FAM153A: variants seen among roughly 807,000 people sequenced by gnomAD.
FAM153A encodes family with sequence similarity 153 member A, also known as protein FAM153A.
A neutral mutation model predicts 48.1 loss-of-function variants in FAM153A; 12 were observed. That is an observed-to-expected ratio of 0.25 (90% CI 0.16 to 0.40). FAM153A has a LOEUF of 0.40. Ranked by LOEUF, FAM153A falls within the 10% of genes least tolerant of loss-of-function variation. The pLI, the probability that FAM153A is intolerant of heterozygous loss-of-function variation, is 1.00. For missense variants in FAM153A, 111 were observed against 345.8 expected (o/e 0.32, Z 5.38); for synonymous variants, 36 against 118.2 (o/e 0.30, Z 4.51).
upstream of FAM153A, among the ~76,000 whole-genome samples, chr5:177,755,265 C>T (rs569316115): frequency 6.6e-5 from 10 of 151,052 alleles, 1 homozygote; most frequent in East Asian, 3.9e-4. Flanking sequence ...TGAAATGAAG[C>T]GAGAAGAGAA....
At chr5:177,730,582 T>C (rs142574056) in intron 16 of FAM153A, among the ~76,000 whole-genome samples, 66 of 114,434 alleles carry the variant, frequency 5.8e-4, no homozygotes, top group African/African-American at 1.6e-3. Context: ...ATTGAGACCA[T>C]CCAATAACGA....
chr5:177,695,884 G>T, the FAM153A span, among the ~76,000 whole-genome samples: 2 of 144,578 alleles, frequency 1.4e-5, no homozygotes, highest in East Asian at 2.0e-4. Context: ...ATGGGCGGCC[G>T]GGCAGAGGCA....
At chr5:177,772,305 C>T (rs1582540612) in intron 1 of FAM153A, among the ~76,000 whole-genome samples, 1 of 88,196 alleles carries the variant, frequency 1.1e-5, no homozygotes, top group Non-Finnish European at 2.3e-5. Context: ...CCAGCGTGAG[C>T]GACGCAGAAG....
intron 25 of FAM153A, among the ~76,000 whole-genome samples, chr5:177,715,778 T>C (rs1468827016): frequency 6.6e-6 from 1 of 151,698 alleles, no homozygotes; most frequent in Non-Finnish European, 1.5e-5. Context: ...ATCATAGCTT[T>C]CTACAACCTC....
upstream of FAM153A, among the ~76,000 whole-genome samples, chr5:177,757,665 G>C (rs1289820087): frequency 6.6e-6 from 1 of 151,488 alleles, no homozygotes; most frequent in African/African-American, 2.4e-5. Context: ...ATGCAAGGCT[G>C]GTTCAACATA....
At chr5:177,707,064 A>G (rs1296040262), downstream of FAM153A, among the ~76,000 whole-genome samples, 1 of 151,978 alleles carries the variant, frequency 6.6e-6, no homozygotes, top group African/African-American at 2.4e-5. Context: ...GAGTTATTCG[A>G]GCAACAGACA....
At chr5:177,728,553 G>T (rs867647519) in intron 18 of FAM153A, among the ~76,000 whole-genome samples, 14 of 135,506 alleles carry the variant, frequency 1.0e-4, no homozygotes, top group East Asian at 6.8e-4. Context: ...TTGTTGGGGT[G>T]TTTTTTTTTT....
downstream of FAM153A, among the ~76,000 whole-genome samples, chr5:177,706,400 C>T (rs542524641): frequency 3.3e-5 from 5 of 151,666 alleles, no homozygotes; most frequent in African/African-American, 9.7e-5. Context: ...AGGGTTTCAC[C>T]GTGTTAGCCA....
chr5:177,781,307 G>A (rs1292227350), upstream of FAM153A, among the ~76,000 whole-genome samples: 1 of 138,000 alleles, frequency 7.2e-6, no homozygotes. Flanking sequence ...AGTACAGACA[G>A]GGTTTCACCG....
chr5:177,711,799 C>A (rs1184373260), exon 27 of FAM153A: 1 of 151,848 alleles, frequency 6.6e-6, no homozygotes, highest in African/African-American at 2.4e-5. Context: ...ATATTACTCT[C>A]AAGAAGCATT....
chr5:177,770,020 C>A (rs1162632694), intron 1 of FAM153A, among the ~76,000 whole-genome samples: 1 of 102,628 alleles, frequency 9.7e-6, no homozygotes, highest in African/African-American at 3.8e-5. Context: ...GCAAAACTGC[C>A]GTCCCTCACG....
downstream of FAM153A, among the ~76,000 whole-genome samples, chr5:177,708,415 A>G (rs550857301): frequency 3.2e-4 from 49 of 151,910 alleles, no homozygotes; most frequent in South Asian, 0.01. Context: ...GTCTCTACTA[A>G]AAATACAGAA....
At chr5:177,696,569 G>C in the FAM153A span, among the ~76,000 whole-genome samples, 5 of 151,138 alleles carry the variant, frequency 3.3e-5, no homozygotes, top group Non-Finnish European at 7.4e-5. Flanking sequence ...TGGCAGCTTT[G>C]TTGAAAATCA....
At chr5:177,734,692 CCACT>C (rs1324816080) in intron 13 of FAM153A, among the ~76,000 whole-genome samples, 167 bp downstream of exon 15, 59 of 149,810 alleles carry the variant, frequency 3.9e-4, no homozygotes, top group Admixed American at 1.1e-3. Context: ...TCATTTTCTC[CCACT>C]GTCTTAAATC....
chr5:177,704,711 T>C (rs977076669), downstream of FAM153A, among the ~76,000 whole-genome samples: 7 of 151,616 alleles, frequency 4.6e-5, no homozygotes, highest in Admixed American at 2.0e-4. Flanking sequence ...TGTTTAAAAG[T>C]ATATAGGCCC....
At chr5:177,738,368 G>A (rs978130461) in intron 10 of FAM153A, among the ~76,000 whole-genome samples, 1 of 151,340 alleles carries the variant, frequency 6.6e-6, no homozygotes, top group Non-Finnish European at 1.5e-5. Context: ...TGTTTCCCAT[G>A]TGTCACCACA....
chr5:177,696,500 T>C, the FAM153A span, among the ~76,000 whole-genome samples: 2 of 151,906 alleles, frequency 1.3e-5, no homozygotes, highest in African/African-American at 4.8e-5. Flanking sequence ...TCTTTTTGCA[T>C]GTGAATATTG....
intron 1 of FAM153A, among the ~76,000 whole-genome samples, chr5:177,759,840 T>C (rs1477657699): frequency 6.6e-6 from 1 of 151,668 alleles, no homozygotes; most frequent in African/African-American, 2.4e-5. Context: ...CATTAGGAGA[T>C]ATACTTAATG....
the FAM153A span, among the ~76,000 whole-genome samples, chr5:177,699,651 C>T: frequency 6.6e-6 from 1 of 152,254 alleles, no homozygotes; most frequent in Non-Finnish European, 1.5e-5. Flanking sequence ...CTGAAATTGA[C>T]TCAAGAAGAA....
Sources: gnomAD v4.1 joint callset for allele counts (sites outside exome capture counted in the v4.1 genomes callset) on GRCh38, gnomAD v4.1.1 for gene constraint, MANE v1.5 for transcripts, NCBI Gene and HGNC (gene_info 2026-07-23, HGNC 2026-07-21) for gene names.